ANO2: variants seen among roughly 807,000 people sequenced by gnomAD.
ANO2 encodes anoctamin 2.
ANO2 carries 101 observed loss-of-function variants against 124.2 expected under a neutral mutation model. The ratio of observed to expected loss-of-function variants is 0.81; its 90% CI spans 0.69 to 0.96. The LOEUF is 0.96. Ranked by LOEUF, ANO2 falls within the 40% of genes least tolerant of loss-of-function variation. ANO2 has a pLI of 0.00. For synonymous variants in ANO2, 486 were observed against 482.5 expected, an observed-to-expected ratio of 1.01 and a Z score of -0.09; for missense variants, 1,293 against 1,274.5, an observed-to-expected ratio of 1.01 and a Z score of -0.22.
chr12:5,816,026 A>C (rs1953597431), intron 7 of ANO2, among the ~76,000 whole-genome samples: 1 of 152,186 alleles, frequency 6.6e-6, no homozygotes, highest in African/African-American at 2.4e-5. Flanking sequence ...ACAATGGGAA[A>C]GAGAATTAGC....
At chr12:5,717,790 G>A (rs1301644250) in intron 14 of ANO2, among the ~76,000 whole-genome samples, 1 of 152,202 alleles carries the variant, frequency 6.6e-6, no homozygotes, top group African/African-American at 2.4e-5. Flanking sequence ...TACAGATCCT[G>A]TGTTCTTGGG....
rs144707385 is a variant in ANO2, at chr12:5,784,446, G to A, written c.1055+15061C>T. ...CCACAGTGTAAGTATTCGTTGAATC[G>A]TTGAGTAGACTGAATGATGAGTGAG... On this transcript the variant is annotated intron_variant, in intron 10 of 24. Coordinates refer to ENST00000682330, the MANE Select transcript of ANO2 (RefSeq NM_001364791.2). Among the ~76,000 whole-genome samples, 144 of 152,322 alleles carry A rather than the reference G, an allele frequency of 9.5e-4. 2 individuals are homozygous for A. Among genetic ancestry groups the A allele is most frequent in the South Asian group, 8.5e-3 (41 of 4,830 alleles).
intron 3 of ANO2, among the ~76,000 whole-genome samples, chr12:5,919,648 G>A (rs1482571942): frequency 2.0e-5 from 3 of 152,254 alleles, no homozygotes; most frequent in Non-Finnish European, 4.4e-5. Context: ...AGGAAGGTAG[G>A]GAGGGTGGGA....
intron 14 of ANO2, among the ~76,000 whole-genome samples, chr12:5,666,055 G>A (rs1947698710): frequency 6.6e-6 from 1 of 152,094 alleles, no homozygotes; most frequent in South Asian, 2.1e-4. Context: ...CCCAACTGCA[G>A]GCCCTGGACA....
At chr12:5,863,793 T>G (rs1044864409) in intron 3 of ANO2, among the ~76,000 whole-genome samples, 1 of 152,186 alleles carries the variant, frequency 6.6e-6, no homozygotes, top group African/African-American at 2.4e-5. Context: ...TTGTAACTTT[T>G]TTTGTTTTAA....
intron 10 of ANO2, among the ~76,000 whole-genome samples, chr12:5,758,211 A>G (rs1237879179): frequency 6.6e-6 from 1 of 152,214 alleles, no homozygotes; most frequent in Admixed American, 6.5e-5. Flanking sequence ...CCTAGGCCCG[A>G]GATTCTGCAA....
intron 15 of ANO2, among the ~76,000 whole-genome samples, chr12:5,644,390 A>G (rs1946530321): frequency 6.6e-6 from 1 of 152,150 alleles, no homozygotes; most frequent in African/African-American, 2.4e-5. Flanking sequence ...TATCTTACTC[A>G]TTGTAGTTTT....
At chr12:5,834,162 C>T (rs1364126697) in intron 4 of ANO2, among the ~76,000 whole-genome samples, 2 of 152,184 alleles carry the variant, frequency 1.3e-5, no homozygotes, top group African/African-American at 2.4e-5. Context: ...CCCAGCTCTG[C>T]CCAAGTTCCT....
At chr12:5,858,003 T>C (rs1955157563) in intron 3 of ANO2, among the ~76,000 whole-genome samples, 1 of 152,108 alleles carries the variant, frequency 6.6e-6, no homozygotes, top group Non-Finnish European at 1.5e-5. Flanking sequence ...AGCATAGAAT[T>C]GTGGTTATTA....
At chr12:5,700,753 G>T (rs933318998) in intron 14 of ANO2, among the ~76,000 whole-genome samples, 5 of 152,030 alleles carry the variant, frequency 3.3e-5, no homozygotes, top group African/African-American at 1.2e-4. Flanking sequence ...ATGATAAAGG[G>T]GTTATCAGAC....
intron 3 of ANO2, among the ~76,000 whole-genome samples, chr12:5,860,952 G>A (rs1238232858): frequency 6.6e-6 from 1 of 152,186 alleles, no homozygotes. Context: ...TCAAATGTCA[G>A]TCTTTGACGT....
At chr12:5,812,775 TGAAA>T (rs1184306815) in intron 7 of ANO2, among the ~76,000 whole-genome samples, 3 of 37,040 alleles carry the variant, frequency 8.1e-5, no homozygotes, top group East Asian at 6.8e-4. Context: ...GGCAGGCAAG[TGAAA>T]GAAAGAAAAA....
intron 14 of ANO2, among the ~76,000 whole-genome samples, chr12:5,692,171 T>C (rs1293733393): frequency 6.6e-6 from 1 of 152,186 alleles, no homozygotes; most frequent in Non-Finnish European, 1.5e-5. Flanking sequence ...GCTGGGGATC[T>C]GGACTAGGTT....
At chr12:5,617,030 T>C (rs1337856452) in intron 16 of ANO2, among the ~76,000 whole-genome samples, 4 of 150,568 alleles carry the variant, frequency 2.7e-5, no homozygotes, top group South Asian at 2.1e-4. Context: ...ATTCACGCCA[T>C]AGCACTCTCC....
intron 14 of ANO2, among the ~76,000 whole-genome samples, chr12:5,697,525 G>A (rs1234474730): frequency 6.6e-6 from 1 of 152,250 alleles, no homozygotes; most frequent in East Asian, 1.9e-4. Flanking sequence ...CTCCCAGCAT[G>A]AGCGATGCAG....
chr12:5,945,975 G>A (rs1463346443), upstream of ANO2, among the ~76,000 whole-genome samples: 2 of 152,344 alleles, frequency 1.3e-5, no homozygotes, highest in East Asian at 3.9e-4. Flanking sequence ...ATCTCCCCGG[G>A]ACAGTTCACG....
At chr12:5,906,157 T>C (rs1343303127) in intron 3 of ANO2, among the ~76,000 whole-genome samples, 2 of 151,980 alleles carry the variant, frequency 1.3e-5, no homozygotes, top group Admixed American at 6.6e-5. Context: ...GCTGCTATAA[T>C]TGGGGGCAGG....
intron 14 of ANO2, among the ~76,000 whole-genome samples, chr12:5,727,858 G>A (rs999985499): frequency 9.3e-5 from 14 of 151,032 alleles, no homozygotes; most frequent in Admixed American, 3.3e-4. Context: ...CCAGGCTGGA[G>A]TGCAGTCGTG....
At chr12:5,621,983 A>T (rs1945140681) in intron 16 of ANO2, among the ~76,000 whole-genome samples, 1 of 152,154 alleles carries the variant, frequency 6.6e-6, no homozygotes, top group South Asian at 2.1e-4. Flanking sequence ...TGCCTGAGGC[A>T]TCCAATTTAA....
Sources: allele counts gnomAD v4.1 joint callset (sites outside exome capture counted in the v4.1 genomes callset), GRCh38; gene constraint gnomAD v4.1.1; transcripts MANE v1.5; gene names NCBI Gene and HGNC (gene_info 2026-07-23, HGNC 2026-07-21).